Variants in UBE3D observed in about 807,000 individuals in gnomAD.
UBE3D encodes E3 ubiquitin-protein ligase E3D.
UBE3D carries 48 observed loss-of-function variants against 49.6 expected under a neutral mutation model. The observed-to-expected ratio is 0.97, with a 90% CI of 0.77 to 1.23. UBE3D has a LOEUF of 1.23. UBE3D is among the 50% of genes most tolerant of loss of function. The pLI, the probability that UBE3D is intolerant of heterozygous loss-of-function variation, is 0.00. For synonymous variants in UBE3D, 189 were observed against 174.2 expected (o/e 1.08, Z -0.67); for missense variants, 452 against 468.4 (o/e 0.96, Z 0.32).
intron 5 of UBE3D, among the ~76,000 whole-genome samples, chr6:83,033,927 T>G (rs987009235): frequency 6.6e-5 from 10 of 152,152 alleles, no homozygotes; most frequent in South Asian, 2.1e-4. Context: ...CCTGCCTAAG[T>G]TGGGAAGATA....
chr6:83,064,984 A>G lies in UBE3D; in HGVS notation c.77+658T>C, dbSNP rs191072822. The stretch of plus-strand genomic sequence containing the variant: ...ATAGACAAGGGGACCACAAATCATT[A>G]AAACTGCTGTCAAACAAAATAGAGA... On this transcript the variant is annotated intron_variant, in intron 1 of 9. Transcript: ENST00000369747. Among the ~76,000 whole-genome samples the G allele has an allele frequency of 3.7e-4, 56 of 152,356 alleles. 2 individuals are homozygous for G. In the South Asian group the frequency reaches 7.9e-3, roughly 21 times the overall value.
chr6:83,025,675 G>C (rs1396240751), intron 5 of UBE3D, among the ~76,000 whole-genome samples: 2 of 151,958 alleles, frequency 1.3e-5, no homozygotes, highest in Admixed American at 1.3e-4. Flanking sequence ...CTGGGGTCAG[G>C]CGTTTGAGAC....
At chr6:82,957,227 T>C in intron 9 of UBE3D, 85 bp downstream of exon 9, 1 of 1,411,556 alleles carries the variant, frequency 7.1e-7, no homozygotes, top group Non-Finnish European at 9.9e-7. Context: ...TTCCACGGGC[T>C]ATCTCCTGTG....
intron 3 of UBE3D, among the ~76,000 whole-genome samples, chr6:83,046,673 G>C (rs1307976911): frequency 8.0e-5 from 1 of 12,508 alleles, no homozygotes; most frequent in African/African-American, 1.3e-4. Flanking sequence ...TGCAGTTGGC[G>C]GGGGGGGTGG....
intron 9 of UBE3D, among the ~76,000 whole-genome samples, chr6:82,918,727 C>T (rs1773106313): frequency 6.6e-6 from 1 of 151,886 alleles, no homozygotes. Flanking sequence ...TTGGTCTTAT[C>T]TGAGTTCCTT....
At chr6:82,983,887 G>T (rs1294117007) in intron 8 of UBE3D, among the ~76,000 whole-genome samples, 4 of 152,076 alleles carry the variant, frequency 2.6e-5, no homozygotes, top group Admixed American at 6.6e-5. Context: ...GCACTTCTTT[G>T]TGTGTTTATG....
intron 8 of UBE3D, among the ~76,000 whole-genome samples, chr6:83,008,457 G>A (rs888627814): frequency 3.9e-5 from 6 of 152,060 alleles, no homozygotes; most frequent in Non-Finnish European, 5.9e-5. Context: ...AAAAAAAACC[G>A]CTGTTGCTCA....
At chr6:83,040,215 C>T (rs1782564360) in intron 4 of UBE3D, among the ~76,000 whole-genome samples, 1 of 152,012 alleles carries the variant, frequency 6.6e-6, no homozygotes, top group African/African-American at 2.4e-5. Context: ...AAACCCCTGT[C>T]TCTACTAAAA....
intron 8 of UBE3D, among the ~76,000 whole-genome samples, chr6:82,997,492 G>A (rs1779323235): frequency 6.6e-6 from 1 of 152,154 alleles, no homozygotes; most frequent in Admixed American, 6.5e-5. Context: ...GGCAGAGGCG[G>A]GAGGATCACA....
At chr6:82,956,120 C>T (rs748500683) in intron 9 of UBE3D, among the ~76,000 whole-genome samples, 5 of 152,080 alleles carry the variant, frequency 3.3e-5, no homozygotes, top group Non-Finnish European at 7.3e-5. Context: ...GGAAAATCCA[C>T]ATCTTGTTTT....
chr6:82,921,472 C>A (rs529937227), intron 9 of UBE3D, among the ~76,000 whole-genome samples: 1 of 152,254 alleles, frequency 6.6e-6, no homozygotes, highest in East Asian at 1.9e-4. Context: ...TGCAAAATAG[C>A]ACACTGGATC....
chr6:82,978,810 C>T (rs2127716090), intron 8 of UBE3D, among the ~76,000 whole-genome samples: 1 of 152,284 alleles, frequency 6.6e-6, no homozygotes, highest in Non-Finnish European at 1.5e-5. Flanking sequence ...ATACATTACT[C>T]ATGTAACCAC....
At chr6:82,888,731 T>C (rs1437607489), downstream of UBE3D, among the ~76,000 whole-genome samples, 1 of 152,216 alleles carries the variant, frequency 6.6e-6, no homozygotes, top group Non-Finnish European at 1.5e-5. Flanking sequence ...AACAAATTGA[T>C]TTAGTTTATT....
Position 83,065,622 on chromosome 6 carries a change from C to T in UBE3D, c.77+20G>A, listed in dbSNP as rs1386378709. 3 of 1,613,352 alleles carry T rather than the reference C, an allele frequency of 1.9e-6. No individual in the cohort carries two copies. Among genetic ancestry groups the T allele is most frequent in the Non-Finnish European group, 2.5e-6 (3 of 1,179,444 alleles). On this transcript the variant is annotated intron_variant, in intron 1 of 9. Transcript: ENST00000369747. ...GCAGTAAAGCGAGCTGGGCACTGCG[C>T]CTAGAATCCCAGTTCTTACCCCAGG...
At chr6:83,049,698 C>G (rs1427203008) in intron 3 of UBE3D, 4 of 466,682 alleles carry the variant, frequency 8.6e-6, no homozygotes, top group Admixed American at 4.8e-5. Context: ...TGACACCTAG[C>G]ACTACCTTAC....
chr6:82,957,170 A>T (rs1220626350), intron 9 of UBE3D, 142 bp downstream of exon 9: 11 of 827,014 alleles, frequency 1.3e-5, no homozygotes, highest in Non-Finnish European at 2.0e-5. Flanking sequence ...AAACAGATAG[A>T]CAAAGCAATA....
At chr6:83,009,895 A>G (rs1196048840) in intron 8 of UBE3D, among the ~76,000 whole-genome samples, 1 of 151,532 alleles carries the variant, frequency 6.6e-6, no homozygotes, top group African/African-American at 2.4e-5. Flanking sequence ...AATATCAAAT[A>G]ATACCCTATT....
At chr6:83,065,350 G>A (rs533377891) in intron 1 of UBE3D, among the ~76,000 whole-genome samples, 23 of 152,264 alleles carry the variant, frequency 1.5e-4, no homozygotes, top group African/African-American at 5.5e-4. Context: ...ATTTTAATGT[G>A]CATTTGATTC....
chr6:82,974,148 C>T (rs998039486), intron 8 of UBE3D, among the ~76,000 whole-genome samples: 5 of 152,176 alleles, frequency 3.3e-5, no homozygotes, highest in African/African-American at 1.2e-4. Context: ...ATTGCAATTA[C>T]TTTTGCACCA....
Sources: gnomAD v4.1 joint callset for allele counts (sites outside exome capture counted in the v4.1 genomes callset) on GRCh38, gnomAD v4.1.1 for gene constraint, MANE v1.5 for transcripts, NCBI Gene and HGNC (gene_info 2026-07-23, HGNC 2026-07-21) for gene names.